The following SLC7A14 variants were observed in gnomAD, a reference collection of about 807,000 sequenced individuals.
The protein encoded by SLC7A14 is solute carrier family 7 member 14.
In SLC7A14, 37 loss-of-function variants were observed where a neutral mutation model predicts 60.2. The observed-to-expected ratio is 0.61, with a 90% confidence interval of 0.47 to 0.81. SLC7A14 has a LOEUF of 0.81. SLC7A14 is among the 30% of genes least tolerant of loss of function. The probability of loss-of-function intolerance (pLI) is 0.00; values close to 1 mark genes in which losing one functional copy is unlikely to be tolerated. For synonymous variants in SLC7A14, 399 were observed against 395.8 expected (o/e 1.01, Z -0.10); for missense variants, 886 against 982.7 (o/e 0.90, Z 1.32).
intron 1 of SLC7A14, among the ~76,000 whole-genome samples, chr3:170,529,937 G>T (rs548682288): frequency 6.6e-6 from 1 of 152,142 alleles, no homozygotes; most frequent in Non-Finnish European, 1.5e-5. Flanking sequence ...GGCAGGGAAC[G>T]GATTCTTCCT....
chr3:170,496,637 T>A, intron 4 of SLC7A14: 1 of 1,463,708 alleles, frequency 6.8e-7, no homozygotes, highest in Non-Finnish European at 9.5e-7. Context: ...AGAGCCCGGC[T>A]GGAGTCTGGG....
At chr3:170,579,573 G>A (rs1715183522) in intron 1 of SLC7A14, among the ~76,000 whole-genome samples, 1 of 152,188 alleles carries the variant, frequency 6.6e-6, no homozygotes, top group African/African-American at 2.4e-5. Context: ...AGAATGAGCT[G>A]TTTTTCTTTC....
At chr3:170,545,645 A>G (rs1392478143) in intron 1 of SLC7A14, among the ~76,000 whole-genome samples, 1 of 152,212 alleles carries the variant, frequency 6.6e-6, no homozygotes, top group Non-Finnish European at 1.5e-5. Flanking sequence ...GTAACAAAAC[A>G]TATGCCATAT....
chr3:170,523,448 T>G (rs1713399746), intron 2 of SLC7A14, among the ~76,000 whole-genome samples: 2 of 152,200 alleles, frequency 1.3e-5, no homozygotes. Flanking sequence ...TCATGAGTCA[T>G]CGTCACTCTT....
At chr3:170,486,094 G>A (rs1240182345) in intron 5 of SLC7A14, 128 bp downstream of exon 5, 2 of 1,210,360 alleles carry the variant, frequency 1.7e-6, no homozygotes, top group African/African-American at 1.5e-5. Flanking sequence ...GGGGAGTGGG[G>A]AATGGGGCTA....
chr3:170,540,262 A>G (rs1019007091), intron 1 of SLC7A14, among the ~76,000 whole-genome samples: 1 of 152,192 alleles, frequency 6.6e-6, no homozygotes, highest in Non-Finnish European at 1.5e-5. Flanking sequence ...ATGGAAAGCA[A>G]CATTGTGAAT....
chr3:170,481,284 G>A, intron 6 of SLC7A14, 118 bp from the exon 7 acceptor site: 5 of 1,081,090 alleles, frequency 4.6e-6, no homozygotes, highest in Non-Finnish European at 6.5e-6. Flanking sequence ...TCCTGGTCCT[G>A]CTCCACCAAT....
chr3:170,467,489 T>TGGGGGGGGGGGG, intron 7 of SLC7A14, 112 bp from the exon 8 acceptor site: 1 of 71,560 alleles, frequency 1.4e-5, no homozygotes. Flanking sequence ...TGGGGGGCGG[T>TGGGGGGGGGGGG]GGGGGCGGGG....
intron 1 of SLC7A14, among the ~76,000 whole-genome samples, chr3:170,539,712 A>G (rs1713956586): frequency 6.6e-6 from 1 of 152,160 alleles, no homozygotes; most frequent in Non-Finnish European, 1.5e-5. Context: ...ACGAGTTTAA[A>G]ATCTACAATA....
At chr3:170,478,737 AT>A (rs1711711153) in intron 7 of SLC7A14, among the ~76,000 whole-genome samples, 1 of 152,268 alleles carries the variant, frequency 6.6e-6, no homozygotes, top group South Asian at 2.1e-4. Context: ...TTTTGAGCAC[AT>A]ACTGCGGGCA....
intron 1 of SLC7A14, among the ~76,000 whole-genome samples, chr3:170,528,251 G>C (rs1279931652): frequency 6.6e-6 from 1 of 152,126 alleles, no homozygotes; most frequent in Non-Finnish European, 1.5e-5. Flanking sequence ...AGGGGTGTTG[G>C]ATCTGATAGA....
At chr3:170,556,882 A>G (rs375123339) in intron 1 of SLC7A14, among the ~76,000 whole-genome samples, 3 of 152,194 alleles carry the variant, frequency 2.0e-5, no homozygotes, top group African/African-American at 7.2e-5. Context: ...CGTTATTCTC[A>G]CTGAAATATG....
chr3:170,516,014 G>T (rs1408551131), intron 2 of SLC7A14, among the ~76,000 whole-genome samples: 3 of 152,172 alleles, frequency 2.0e-5, no homozygotes, highest in Admixed American at 2.0e-4. Context: ...CATGCTAGGT[G>T]CTCATGGCAT....
At chr3:170,563,481 G>A (rs1201975205) in intron 1 of SLC7A14, among the ~76,000 whole-genome samples, 3 of 146,524 alleles carry the variant, frequency 2.0e-5, no homozygotes, top group African/African-American at 5.0e-5. Context: ...GCAATGGTGC[G>A]ATCTCGGCTC....
chr3:170,472,109 C>CACTT (rs1739926244), intron 7 of SLC7A14, among the ~76,000 whole-genome samples: 1 of 151,498 alleles, frequency 6.6e-6, no homozygotes, highest in Non-Finnish European at 1.5e-5. Flanking sequence ...TGGCTCATGC[C>CACTT]TGTAATCCCA....
chr3:170,473,550 T>A (rs933327843), intron 7 of SLC7A14, among the ~76,000 whole-genome samples: 1 of 152,230 alleles, frequency 6.6e-6, no homozygotes, highest in Admixed American at 6.5e-5. Context: ...CACTTTGTTA[T>A]GCCTAGAGGG....
At chr3:170,476,446 C>G (rs1387853066) in intron 7 of SLC7A14, among the ~76,000 whole-genome samples, 1 of 152,216 alleles carries the variant, frequency 6.6e-6, no homozygotes, top group Non-Finnish European at 1.5e-5. Flanking sequence ...GCCAGCCCCA[C>G]TCTGCAGGGT....
At chr3:170,565,413 A>G (rs1577566841) in intron 1 of SLC7A14, among the ~76,000 whole-genome samples, 1 of 152,164 alleles carries the variant, frequency 6.6e-6, no homozygotes, top group Non-Finnish European at 1.5e-5. Flanking sequence ...GCAGTTGCAG[A>G]TAAAAGACTG....
chr3:170,501,420 G>T, intron 2 of SLC7A14, 75 bp from the exon 3 acceptor site: 1 of 1,228,542 alleles, frequency 8.1e-7, no homozygotes, highest in African/African-American at 1.5e-5. Context: ...AATCTTGGGT[G>T]GAACATACTG....
Sources: gnomAD v4.1 joint callset for allele counts (sites outside exome capture counted in the v4.1 genomes callset) on GRCh38, gnomAD v4.1.1 for gene constraint, MANE v1.5 for transcripts, NCBI Gene and HGNC (gene_info 2026-07-23, HGNC 2026-07-21) for gene names.